Variants in NHSL1 observed in about 807,000 individuals in gnomAD.
The protein encoded by NHSL1 is NHS-like protein 1.
In NHSL1, 48 loss-of-function variants were observed where a neutral mutation model predicts 95.0. The observed-to-expected ratio is 0.51, with a 90% CI of 0.40 to 0.64. The LOEUF (loss-of-function observed/expected upper bound fraction) is 0.64, where lower values mean the gene tolerates loss of function less well. NHSL1 is among the 30% of genes least tolerant of loss of function. The pLI, the probability that NHSL1 is intolerant of heterozygous loss-of-function variation, is 0.00. For missense variants in NHSL1, 1,971 were observed against 2,077.7 expected, an observed-to-expected ratio of 0.95 and a Z score of 1.00; for synonymous variants, 783 against 833.9, an observed-to-expected ratio of 0.94 and a Z score of 1.05.
intron 1 of NHSL1, among the ~76,000 whole-genome samples, chr6:138,534,507 A>G (rs954413294): frequency 6.6e-6 from 1 of 152,208 alleles, no homozygotes; most frequent in Admixed American, 6.5e-5. Context: ...CCTTTTTCAT[A>G]GAATTCATCA....
intron 3 of NHSL1, among the ~76,000 whole-genome samples, chr6:138,469,383 A>T (rs1025672043): frequency 2.0e-5 from 3 of 152,172 alleles, no homozygotes; most frequent in African/African-American, 7.2e-5. Flanking sequence ...CAATTTCAGG[A>T]TCTTTGTCAC....
intron 1 of NHSL1, chr6:138,650,497 G>A (rs1785076658): frequency 1.1e-5 from 8 of 730,736 alleles, no homozygotes; most frequent in Non-Finnish European, 1.9e-5. Flanking sequence ...TCATCCACCA[G>A]GTAGGCACTG....
chr6:138,437,743 A>G (rs1583166311), intron 5 of NHSL1, among the ~76,000 whole-genome samples: 1 of 152,210 alleles, frequency 6.6e-6, no homozygotes, highest in Admixed American at 6.5e-5. Context: ...CATTAGTAAG[A>G]GTCTGGAAGA....
chr6:138,439,455 C>A (rs1308199556), intron 5 of NHSL1, among the ~76,000 whole-genome samples: 1 of 152,154 alleles, frequency 6.6e-6, no homozygotes, highest in Non-Finnish European at 1.5e-5. Context: ...TAGTTTAAGA[C>A]TTCCAAACCA....
intron 1 of NHSL1, among the ~76,000 whole-genome samples, chr6:138,655,225 A>C (rs1455742675): frequency 6.6e-6 from 1 of 152,242 alleles, no homozygotes; most frequent in African/African-American, 2.4e-5. Flanking sequence ...AGTTTCATAA[A>C]AATACAATTA....
Position 138,473,187 on chromosome 6 carries a change from T to C in NHSL1, c.339+119A>G, listed in dbSNP as rs1778860252. The C allele has an allele frequency of 3.3e-6, 3 of 903,790 alleles. No individual in the cohort carries two copies. The East Asian group carries it at 9.8e-5, about 30-fold the overall frequency. 56.0% of individuals were successfully genotyped at this position (903,790 alleles called of 1,614,324 possible). The stretch of plus-strand genomic sequence containing the variant: ...ATTTGTCAAAACCAAGAAATTCACT[T>C]GAGACAATACTATTGATTAAAATAC... On this transcript the variant is annotated intron_variant, in intron 3 of 7. Coordinates refer to ENST00000343505, the MANE Select transcript of NHSL1 (RefSeq NM_001144060.2).
At chr6:138,569,881 A>T (rs180800915) in intron 1 of NHSL1, among the ~76,000 whole-genome samples, 188 of 147,112 alleles carry the variant, frequency 1.3e-3, no homozygotes, top group Non-Finnish European at 1.5e-3. Flanking sequence ...CCAATTATTT[A>T]AAAAAAAAAA....
At chr6:138,447,686 T>C (rs913836807) in intron 3 of NHSL1, among the ~76,000 whole-genome samples, 1 of 152,098 alleles carries the variant, frequency 6.6e-6, no homozygotes, top group Non-Finnish European at 1.5e-5. Context: ...GGCAGGAGGA[T>C]TGCTTGAACC....
intron 5 of NHSL1, among the ~76,000 whole-genome samples, chr6:138,441,155 G>A (rs145741261): frequency 1.7e-3 from 252 of 152,258 alleles, no homozygotes; most frequent in African/African-American, 5.8e-3. Context: ...TCAGAGAGAC[G>A]AAGTTAACTG....
At chr6:138,679,316 A>G (rs1785484172) in intron 1 of NHSL1, among the ~76,000 whole-genome samples, 1 of 152,220 alleles carries the variant, frequency 6.6e-6, no homozygotes, top group Non-Finnish European at 1.5e-5. Context: ...AAGAAAAAAA[A>G]GCAACATGAT....
intron 7 of NHSL1, among the ~76,000 whole-genome samples, chr6:138,426,244 T>A (rs374439669): frequency 5.9e-5 from 9 of 152,354 alleles, no homozygotes; most frequent in African/African-American, 2.2e-4. Context: ...GTTGAGAGTA[T>A]GATATCTGTA....
Position 138,430,298 on chromosome 6 carries a change from G to A in NHSL1, c.3952+95C>T. The A allele has an allele frequency of 2.2e-6, 3 of 1,384,782 alleles. No homozygotes were observed. The highest frequency in any genetic ancestry group is 2.8e-6 in the Non-Finnish European group (3 of 1,061,674). The allele number at this position is 1,384,782 out of a possible 1,614,324, so 85.8% of individuals were successfully genotyped here. A position where few individuals can be genotyped will look rare whatever the true frequency, so the allele number is the denominator to read the frequency against. On this transcript the variant is annotated intron_variant, in intron 6 of 7. Coordinates refer to ENST00000343505, the MANE Select transcript of NHSL1 (RefSeq NM_001144060.2). This position sits in a 1 kb window ranked among gnomAD's most constrained non-coding sequence, Gnocchi z 4.7. ...CTTTAACAGGAATCTGATCTACCTG[G>A]GTTCTTTCCACGTGTGAGCATTCAA...
At chr6:138,448,450 T>C (rs1476659136) in intron 3 of NHSL1, among the ~76,000 whole-genome samples, 1 of 152,138 alleles carries the variant, frequency 6.6e-6, no homozygotes, top group Non-Finnish European at 1.5e-5. Flanking sequence ...GAATAAAAAG[T>C]CAGTGAACCT....
intron 1 of NHSL1, among the ~76,000 whole-genome samples, chr6:138,614,697 T>C (rs538126996): frequency 6.6e-5 from 10 of 152,300 alleles, no homozygotes; most frequent in East Asian, 1.9e-4. Flanking sequence ...GGTGTGTTAC[T>C]TGTTAGGAAC....
intron 1 of NHSL1, among the ~76,000 whole-genome samples, chr6:138,673,653 CT>C (rs1374849817): frequency 1.3e-5 from 2 of 152,134 alleles, no homozygotes; most frequent in East Asian, 3.8e-4. Context: ...CCTCTCATTA[CT>C]TAATTCCTTC....
At chr6:138,491,620 T>A (rs929458816) in intron 2 of NHSL1, among the ~76,000 whole-genome samples, 2 of 152,222 alleles carry the variant, frequency 1.3e-5, no homozygotes, top group Non-Finnish European at 1.5e-5. Flanking sequence ...GGAAACTCAG[T>A]AAGAAGCTGA....
chr6:138,623,160 G>A (rs576253803), intron 1 of NHSL1, among the ~76,000 whole-genome samples: 117 of 152,160 alleles, frequency 7.7e-4, no homozygotes, highest in Admixed American at 2.2e-3. Context: ...AGAACAATGC[G>A]ATGGGAATGT....
intron 4 of NHSL1, among the ~76,000 whole-genome samples, chr6:138,445,682 A>T (rs1016588557): frequency 6.6e-6 from 1 of 152,258 alleles, no homozygotes; most frequent in African/African-American, 2.4e-5. Context: ...AAATGCTATT[A>T]GCCCCTTACA....
At chr6:138,616,419 G>C (rs953021108) in intron 1 of NHSL1, among the ~76,000 whole-genome samples, 1 of 152,032 alleles carries the variant, frequency 6.6e-6, no homozygotes. Context: ...TTGTAGCAGG[G>C]GCAGTACAAG....
Sources: gnomAD v4.1 joint callset for allele counts (sites outside exome capture counted in the v4.1 genomes callset) on GRCh38, gnomAD v4.1.1 for gene constraint, Gnocchi (gnomAD v3.1) non-coding constraint, MANE v1.5 for transcripts, NCBI Gene and HGNC (gene_info 2026-07-23, HGNC 2026-07-21) for gene names.